Variants in DSC2 observed in about 807,000 individuals in gnomAD.
DSC2 encodes the protein desmocollin 2.
DSC2 carries 51 observed loss-of-function variants against 87.6 expected under a neutral mutation model. The observed-to-expected ratio is 0.58, with a 90% CI of 0.46 to 0.74. The LOEUF is 0.74. Among genes scored for constraint, DSC2 ranks in the 30% least tolerant of loss-of-function variants. The probability of loss-of-function intolerance (pLI) is 0.00; values close to 1 mark genes in which losing one functional copy is unlikely to be tolerated. For missense variants in DSC2, 1,066 were observed against 1,089.5 expected, an observed-to-expected ratio of 0.98 and a Z score of 0.30; for synonymous variants, 383 against 393.2, an observed-to-expected ratio of 0.97 and a Z score of 0.31.
chr18:31,078,014 G>T (rs1328059750), intron 11 of DSC2, among the ~76,000 whole-genome samples: 1 of 152,172 alleles, frequency 6.6e-6, no homozygotes, highest in Non-Finnish European at 1.5e-5. Context: ...ATGCAGGAAT[G>T]TGTGGGCAAG....
chr18:31,070,640 T>C, intron 14 of DSC2, 86 bp downstream of exon 14: 1 of 1,593,016 alleles, frequency 6.3e-7, no homozygotes, highest in Non-Finnish European at 8.6e-7. Flanking sequence ...CCAAAAGAAC[T>C]TTTCTGAGAA....
rs1790695 is a variant in DSC2 at position 31,058,866 on chromosome 18, G to T, written c.*9149C>A. The T allele has an allele frequency of 6.6e-6, 1 of 151,888 alleles. No homozygotes were observed. Among genetic ancestry groups the T allele is most frequent in the African/African-American group, 2.4e-5 (1 of 41,346 alleles). 9.4% of individuals were successfully genotyped at this position (151,888 alleles called of 1,614,324 possible). ...TTTTTGTGGCACTTTTTAATAGTAC[G>T]TCTCCGTGAACATATTATATCACTT... On this transcript the variant is annotated 3_prime_UTR_variant, in exon 16 of 16. Coordinates refer to ENST00000280904, the MANE Select transcript of DSC2 (RefSeq NM_024422.6).
intron 11 of DSC2, 68 bp from the exon 12 acceptor site, chr18:31,074,975 C>G (rs1400104504): frequency 6.8e-7 from 1 of 1,465,612 alleles, no homozygotes; most frequent in Non-Finnish European, 9.4e-7. Context: ...ATGCACTGAA[C>G]ACATTGAAAA....
At position 31,063,817 on chromosome 18, in the gene DSC2, G is replaced by C. The variant is rs1986550988; in HGVS notation, c.*4198C>G. 6.6e-6 allele frequency: 1 copy of C among 152,128 alleles called. No individual in the cohort carries two copies. The highest frequency in any genetic ancestry group is 2.1e-4 in the South Asian group (1 of 4,828). 9.4% of individuals were successfully genotyped at this position (152,128 alleles called of 1,614,324 possible). On this transcript the variant is annotated 3_prime_UTR_variant, in exon 16 of 16. Transcript: ENST00000280904. ...TTTGTAATATTTTCAATTTACCATG[G>C]GTTTATCAGGATGTAACCCCATCAT... is the stretch of plus-strand genomic sequence containing the variant.
In DSC2 at chr18:31,066,981, C is replaced by T. The variant is rs1384940598; in HGVS notation, c.*1034G>A. The T allele has an allele frequency of 6.6e-6, 1 of 152,038 alleles. No individual in the cohort carries two copies. The highest frequency in any genetic ancestry group is 1.5e-5 in the Non-Finnish European group (1 of 67,964). 9.4% of individuals were successfully genotyped at this position (152,038 alleles called of 1,614,324 possible). ...ACATCCCAATTCTAATTACACCATT[C>T]TTGTTGTTAACACAGAGCACTGCTT... On this transcript the variant is annotated 3_prime_UTR_variant, in exon 16 of 16. Coordinates refer to ENST00000280904, the MANE Select transcript of DSC2 (RefSeq NM_024422.6).
At chr18:31,079,013 C>T (rs1282200839) in intron 11 of DSC2, among the ~76,000 whole-genome samples, 4 of 151,560 alleles carry the variant, frequency 2.6e-5, no homozygotes, top group Admixed American at 1.3e-4. Context: ...ATTTATTTAC[C>T]ATGATCATAA....
chr18:31,068,746 A>G lies in DSC2; in HGVS notation c.2508+148T>C, dbSNP rs571612444. 15 of 1,113,872 alleles carry G rather than the reference A, an allele frequency of 1.3e-5. No individual in the cohort carries two copies. In the African/African-American group the frequency reaches 1.7e-4, roughly 13 times the overall value. The allele number at this position is 1,113,872 out of a possible 1,614,324, so 69.0% of individuals were successfully genotyped here. On this transcript the variant is annotated intron_variant, in intron 15 of 15. Transcript: ENST00000280904. ...TAACCACTTAAATCTGAACATAACT[A>G]AATTAAAATTGAGGAAAAATAATAG...
intron 12 of DSC2, among the ~76,000 whole-genome samples, chr18:31,073,373 G>GCACA (rs34582584): frequency 1.8e-4 from 27 of 147,080 alleles, no homozygotes; most frequent in South Asian, 6.6e-4. Flanking sequence ...ACACACACAC[G>GCACA]CACACACACA....
In DSC2 at chr18:31,063,330, C is replaced by CAAAAAA. The variant is rs11365224; in HGVS notation, c.*4679_*4684dup. 1 of 81,108 alleles carries CAAAAAA rather than the reference C, an allele frequency of 1.2e-5. No homozygotes were observed. The allele number at this position is 81,108 out of a possible 1,614,324, so 5.0% of individuals were successfully genotyped here. On this transcript the variant is annotated 3_prime_UTR_variant, in exon 16 of 16. Coordinates refer to ENST00000280904, the MANE Select transcript of DSC2 (RefSeq NM_024422.6). The stretch of plus-strand genomic sequence containing the variant: ...TAGGTGACAGAGTGAGATTCCGTCT[C>CAAAAAA]AAAAAAAAAAAAAAAAAAATTAATG...
Position 31,101,925 on chromosome 18 carries a change from C to A in DSC2, c.47G>T (p.Arg16Leu). The change falls in exon 1 of 16, where the codon CGG (arginine) becomes CTG (leucine). Residue 16 changes from arginine to leucine, a missense_variant. Coordinates refer to ENST00000280904, the MANE Select transcript of DSC2 (RefSeq NM_024422.6). ...CACCGCGAGGGTCAGCAGGAGCAGC[C>A]GGCAGAGGGCTCCGTTCCAGGAGCC... is the stretch of plus-strand genomic sequence containing the variant. The part of the protein sequence containing the change: ...PSGSWNGALC[R>L]LLLLTLAILI... The A allele has an allele frequency of 6.5e-7, 1 of 1,530,826 alleles. No individual in the cohort carries two copies. Among genetic ancestry groups the A allele is most frequent in the South Asian group, 1.2e-5 (1 of 83,014 alleles). The allele number at this position is 1,530,826 out of a possible 1,614,324, so 94.8% of individuals were successfully genotyped here.
At chr18:31,073,650 T>C (rs1986906814) in intron 12 of DSC2, among the ~76,000 whole-genome samples, 2 of 152,168 alleles carry the variant, frequency 1.3e-5, no homozygotes, top group South Asian at 4.1e-4. Context: ...CCTCATTCAG[T>C]GGTTCTAGAG....
At chr18:31,077,004 C>G (rs1032645379) in intron 11 of DSC2, among the ~76,000 whole-genome samples, 4 of 151,468 alleles carry the variant, frequency 2.6e-5, no homozygotes, top group African/African-American at 7.3e-5. Flanking sequence ...AGTATGAGGC[C>G]AATATTAAAA....
intron 12 of DSC2, among the ~76,000 whole-genome samples, chr18:31,074,200 C>T (rs1329425644): frequency 2.0e-5 from 3 of 152,176 alleles, no homozygotes; most frequent in Non-Finnish European, 4.4e-5. Context: ...CCTACTTCTC[C>T]TCCTTTCAAA....
intron 12 of DSC2, among the ~76,000 whole-genome samples, chr18:31,072,231 G>C (rs1986859969): frequency 6.6e-6 from 1 of 152,140 alleles, no homozygotes; most frequent in Admixed American, 6.6e-5. Context: ...CGAAGTAATA[G>C]TCTGAAATTC....
At chr18:31,069,424 T>C (rs1452265539) in intron 14 of DSC2, among the ~76,000 whole-genome samples, 2 of 151,980 alleles carry the variant, frequency 1.3e-5, no homozygotes, top group Non-Finnish European at 2.9e-5. Context: ...AAAAATCTCT[T>C]AGAATACCTG....
intron 11 of DSC2, 41 bp from the exon 12 acceptor site, chr18:31,074,948 G>A (rs1172164908): frequency 5.1e-6 from 8 of 1,559,928 alleles, no homozygotes; most frequent in South Asian, 2.3e-5. Flanking sequence ...TATGTTTTGA[G>A]TTTTCACCAC....
In DSC2 at chr18:31,102,190, C is replaced by A; in HGVS notation, c.-219G>T. 4.3e-6 allele frequency: 2 copies of A among 465,274 alleles called. No homozygotes were observed. Among genetic ancestry groups the A allele is most frequent in the South Asian group, 4.1e-5 (1 of 24,434 alleles). 28.8% of individuals were successfully genotyped at this position (465,274 alleles called of 1,614,324 possible). ...CTTTGGCGGAGGGAGGGGCTCCAGA[C>A]GCGTCCAAAAGACACCGATCGGCCC... is the stretch of plus-strand genomic sequence containing the variant. On this transcript the variant is annotated 5_prime_UTR_variant, in exon 1 of 16. Coordinates refer to ENST00000280904, the MANE Select transcript of DSC2 (RefSeq NM_024422.6).
At chr18:31,089,672 T>C (rs1289991958) in intron 4 of DSC2, 78 bp from the exon 5 acceptor site, 13 of 1,390,086 alleles carry the variant, frequency 9.4e-6, no homozygotes, top group African/African-American at 1.4e-5. Context: ...TGAAATCTCA[T>C]TGCCATTTTA....
intron 11 of DSC2, among the ~76,000 whole-genome samples, chr18:31,079,642 T>G (rs1244421803): frequency 5.4e-4 from 82 of 152,316 alleles, no homozygotes; most frequent in African/African-American, 1.8e-3. Context: ...AAGAGTAAAT[T>G]ATTTTATAAT....
Sources: allele counts gnomAD v4.1 joint callset (sites outside exome capture counted in the v4.1 genomes callset), GRCh38; gene constraint gnomAD v4.1.1; transcripts MANE v1.5; gene names NCBI Gene and HGNC (gene_info 2026-07-23, HGNC 2026-07-21).